TMEM132D: variants seen among roughly 807,000 people sequenced by gnomAD.
TMEM132D encodes transmembrane protein 132D.
Under a neutral mutation model 62.3 loss-of-function variants are expected in TMEM132D, and 21 were observed. The ratio of observed to expected loss-of-function variants is 0.34; its 90% CI spans 0.24 to 0.49. TMEM132D has a LOEUF of 0.49. TMEM132D is among the 20% of genes least tolerant of loss of function. TMEM132D has a pLI of 0.99. For synonymous variants in TMEM132D, 621 were observed against 575.6 expected (o/e 1.08, Z -1.13); for missense variants, 1,346 against 1,402.8 (o/e 0.96, Z 0.65).
chr12:129,823,037 G>A (rs1447908265), intron 1 of TMEM132D, among the ~76,000 whole-genome samples: 9 of 152,142 alleles, frequency 5.9e-5, no homozygotes, highest in South Asian at 2.1e-4. Context: ...AACTGTCCTC[G>A]AGGTAGTGAG....
intron 1 of TMEM132D, among the ~76,000 whole-genome samples, chr12:129,703,021 C>T (rs264464): frequency 0.051 from 7,768 of 152,278 alleles, 540 homozygotes; most frequent in African/African-American, 0.15. Flanking sequence ...ATAAGACCTA[C>T]ATCAGTTGAT....
intron 2 of TMEM132D, among the ~76,000 whole-genome samples, chr12:129,577,732 ATGTT>A (rs1305227984): frequency 6.6e-6 from 1 of 152,102 alleles, no homozygotes; most frequent in African/African-American, 2.4e-5. Flanking sequence ...AATTTCCACT[ATGTT>A]TATTTTTAAA....
chr12:129,344,323 G>A (rs1399165227), intron 3 of TMEM132D, among the ~76,000 whole-genome samples: 5 of 152,118 alleles, frequency 3.3e-5, no homozygotes, highest in Non-Finnish European at 7.3e-5. Context: ...AAATGTTGGG[G>A]TCCTGTAACC....
At chr12:129,647,695 T>TA (rs1316237045) in intron 2 of TMEM132D, among the ~76,000 whole-genome samples, 2 of 152,232 alleles carry the variant, frequency 1.3e-5, no homozygotes, top group African/African-American at 4.8e-5. Flanking sequence ...TTCATATGCT[T>TA]ATTGGCTGCT....
At chr12:129,522,541 C>G (rs766806384) in intron 3 of TMEM132D, 5 of 152,096 alleles carry the variant, frequency 3.3e-5, no homozygotes, top group Non-Finnish European at 7.4e-5. Flanking sequence ...AAAATACTCA[C>G]GGTAAAGGGT....
At chr12:129,160,506 C>T (rs1187050663) in intron 5 of TMEM132D, among the ~76,000 whole-genome samples, 1 of 152,216 alleles carries the variant, frequency 6.6e-6, no homozygotes, top group Admixed American at 6.5e-5. Flanking sequence ...AATCTGCTGA[C>T]ATCCCTCTTG....
chr12:129,899,361 T>G (rs148487011), intron 1 of TMEM132D, among the ~76,000 whole-genome samples: 1 of 128,958 alleles, frequency 7.8e-6, no homozygotes, highest in South Asian at 2.3e-4. Context: ...GAGGGATGGA[T>G]GGATGGATGG....
chr12:129,798,124 A>G (rs139397572), intron 1 of TMEM132D, among the ~76,000 whole-genome samples: 2,751 of 152,252 alleles, frequency 0.018, 80 homozygotes, highest in African/African-American at 0.062. Context: ...CCCTCCTGCC[A>G]TGACTGTAGC....
chr12:129,612,989 AG>A (rs1402735420), intron 2 of TMEM132D, among the ~76,000 whole-genome samples: 2 of 152,238 alleles, frequency 1.3e-5, no homozygotes, highest in Admixed American at 1.3e-4. Flanking sequence ...CCTGAATTTC[AG>A]AAATCCCTCT....
chr12:129,790,952 T>C (rs184623588), intron 1 of TMEM132D, among the ~76,000 whole-genome samples: 35 of 152,378 alleles, frequency 2.3e-4, no homozygotes, highest in Admixed American at 2.3e-3. Flanking sequence ...TTGCTGCATT[T>C]GTTTTCAATG....
chr12:129,660,757 G>T (rs547464101), intron 2 of TMEM132D, among the ~76,000 whole-genome samples: 187 of 152,236 alleles, frequency 1.2e-3, no homozygotes, highest in African/African-American at 4.2e-3. Flanking sequence ...GGGGCTAGGT[G>T]TGTGCCTGGT....
chr12:129,318,653 G>A (rs1453371101), intron 4 of TMEM132D, among the ~76,000 whole-genome samples: 1 of 152,166 alleles, frequency 6.6e-6, no homozygotes, highest in African/African-American at 2.4e-5. Flanking sequence ...AGAGGGACCA[G>A]CAGTGGGCGG....
chr12:129,265,290 G>T (rs1309745690), intron 4 of TMEM132D, among the ~76,000 whole-genome samples: 2 of 152,132 alleles, frequency 1.3e-5, no homozygotes, highest in African/African-American at 4.8e-5. Flanking sequence ...AGTAGCCTGA[G>T]TCAATAAAGA....
At chr12:129,084,896 T>G in intron 5 of TMEM132D, 194 bp from the exon 6 acceptor site, 1 of 586,566 alleles carries the variant, frequency 1.7e-6, no homozygotes, top group South Asian at 2.2e-5. Flanking sequence ...GACGCTGTTA[T>G]GAAAGGTGCT....
intron 1 of TMEM132D, among the ~76,000 whole-genome samples, chr12:129,891,501 G>C (rs1874923378): frequency 6.6e-6 from 1 of 152,188 alleles, no homozygotes. Flanking sequence ...ATTGCTAAGA[G>C]CATCAGGTTC....
intron 4 of TMEM132D, among the ~76,000 whole-genome samples, chr12:129,331,431 T>G (rs1436004461): frequency 6.6e-6 from 1 of 152,214 alleles, no homozygotes; most frequent in African/African-American, 2.4e-5. Context: ...GTCCTGACCA[T>G]GTCTCCTGAT....
chr12:129,453,699 G>T (rs1462679914), intron 3 of TMEM132D, among the ~76,000 whole-genome samples: 1 of 152,162 alleles, frequency 6.6e-6, no homozygotes, highest in African/African-American at 2.4e-5. Context: ...TGGATCCAGG[G>T]ACTGAAGATG....
At chr12:129,404,994 A>C (rs1469974537) in intron 3 of TMEM132D, among the ~76,000 whole-genome samples, 2 of 152,206 alleles carry the variant, frequency 1.3e-5, no homozygotes, top group East Asian at 1.9e-4. Flanking sequence ...CTGCGGGACC[A>C]CAGGGTGGAT....
At chr12:129,081,578 G>A (rs1406987649) in intron 7 of TMEM132D, among the ~76,000 whole-genome samples, 181 bp downstream of exon 7, 6 of 152,032 alleles carry the variant, frequency 3.9e-5, no homozygotes, top group South Asian at 2.1e-4. Flanking sequence ...GATTATAAGC[G>A]TGAACCACCA....
Sources: allele counts gnomAD v4.1 joint callset (sites outside exome capture counted in the v4.1 genomes callset), GRCh38; gene constraint gnomAD v4.1.1; transcripts MANE v1.5; gene names NCBI Gene and HGNC (gene_info 2026-07-23, HGNC 2026-07-21).